The following TLN2 variants were observed in gnomAD, a reference collection of about 807,000 sequenced individuals.
TLN2 encodes talin 2, also known as talin-2.
In TLN2, 118 loss-of-function variants were observed where a neutral mutation model predicts 294.7. The observed-to-expected ratio is 0.40, with a 90% CI of 0.34 to 0.47. The LOEUF is 0.47. TLN2 is among the 20% of genes least tolerant of loss of function. TLN2 has a pLI of 0.84. For synonymous variants in TLN2, 1,431 were observed against 1,304.5 expected (o/e 1.10, Z -2.09); for missense variants, 3,083 against 3,282.2 (o/e 0.94, Z 1.48).
intron 54 of TLN2, among the ~76,000 whole-genome samples, chr15:62,825,790 TATA>T (rs1237129986): frequency 1.2e-4 from 1 of 8,464 alleles, no homozygotes; most frequent in African/African-American, 2.2e-4. Flanking sequence ...TATTATATAT[TATA>T]ATATATATTA....
At chr15:62,444,219 T>A (rs1466367594) in intron 1 of TLN2, among the ~76,000 whole-genome samples, 1 of 152,216 alleles carries the variant, frequency 6.6e-6, no homozygotes, top group Non-Finnish European at 1.5e-5. Context: ...TTCTGGATGC[T>A]GCTTAGAGGG....
chr15:62,817,267 A>G (rs1485382232), intron 52 of TLN2, among the ~76,000 whole-genome samples: 2 of 152,336 alleles, frequency 1.3e-5, no homozygotes, highest in East Asian at 1.9e-4. Flanking sequence ...GGAAGCCATC[A>G]TAGTAGGACT....
chr15:62,479,671 C>A (rs369069346), intron 1 of TLN2, among the ~76,000 whole-genome samples: 3 of 152,030 alleles, frequency 2.0e-5, no homozygotes, highest in African/African-American at 4.8e-5. Context: ...TTTTTAGTAG[C>A]GACGGGGTTT....
In TLN2 at chr15:62,819,424, C is replaced by T. The variant is rs574130412; in HGVS notation, c.6772-92C>T. 269 of 1,068,464 alleles carry T rather than the reference C, an allele frequency of 2.5e-4. No individual in the cohort carries two copies. The East Asian group carries it at 5.5e-3, about 22-fold the overall frequency. 66.2% of individuals were successfully genotyped at this position (1,068,464 alleles called of 1,614,324 possible). A position where few individuals can be genotyped will look rare whatever the true frequency, so the allele number is the denominator to read the frequency against. On this transcript the variant is annotated intron_variant, in intron 52 of 58. Transcript: ENST00000636159. ...AGAGATGCAACTTAAAACCAGGCTG[C>T]CTGACTCCACATCCAGCAAGAGGAG... is the stretch of plus-strand genomic sequence containing the variant.
chr15:62,461,790 G>A (rs1301178395), intron 1 of TLN2, among the ~76,000 whole-genome samples: 1 of 152,202 alleles, frequency 6.6e-6, no homozygotes, highest in Non-Finnish European at 1.5e-5. Flanking sequence ...GCATGCACAG[G>A]AGCACTCACA....
At chr15:62,704,746 A>G (rs1337326810) in intron 19 of TLN2, among the ~76,000 whole-genome samples, 1 of 152,218 alleles carries the variant, frequency 6.6e-6, no homozygotes, top group Non-Finnish European at 1.5e-5. Flanking sequence ...GCACATCAAT[A>G]TATTCTGCTA....
chr15:62,825,789 TTATA>T lies in TLN2; in HGVS notation c.7002+5180_7002+5183del, dbSNP rs1465080077. ...TATATATTATATAATATATTATATA[TTATA>T]ATATATATTATATATTATATTATAA... is the stretch of plus-strand genomic sequence containing the variant. On this transcript the variant is annotated intron_variant, in intron 54 of 58. Coordinates refer to ENST00000636159, the MANE Select transcript of TLN2 (RefSeq NM_015059.3). Among the ~76,000 whole-genome samples the T allele has an allele frequency of 2.2e-3, 188 of 83,598 alleles. 16 individuals carry two copies. The highest frequency in any genetic ancestry group is 0.013 in the African/African-American group (181 of 13,868). 54.8% of individuals were successfully genotyped at this position (83,598 alleles called of 152,430 possible).
Position 62,532,626 on chromosome 15 carries a change from G to A in TLN2, c.-237-57061G>A, listed in dbSNP as rs1054561475. 3.3e-5 allele frequency among the ~76,000 whole-genome samples: 5 copies of A among 152,236 alleles called. No homozygotes were observed. The South Asian group carries it at 1.0e-3, about 32-fold the overall frequency. On this transcript the variant is annotated intron_variant, in intron 1 of 58. Transcript: ENST00000636159. ...CAGACCTTAACCTTTTTTTAGAAAA[G>A]CATTGCTCTTGCTTCACGTGACAAA...
intron 2 of TLN2, among the ~76,000 whole-genome samples, chr15:62,606,263 T>TTTTC (rs71287049): frequency 6.6e-6 from 1 of 150,528 alleles, no homozygotes; most frequent in African/African-American, 2.4e-5. Flanking sequence ...TTTTTTTTTT[T>TTTTC]GTATTTTTAG....
intron 1 of TLN2, among the ~76,000 whole-genome samples, chr15:62,519,161 A>G (rs1203209836): frequency 6.6e-6 from 1 of 152,194 alleles, no homozygotes; most frequent in Non-Finnish European, 1.5e-5. Flanking sequence ...AGTCCACAGT[A>G]TTGACCACAG....
At chr15:62,673,759 T>C in intron 9 of TLN2, 68 bp from the exon 10 acceptor site, 1 of 1,257,332 alleles carries the variant, frequency 8.0e-7, no homozygotes, top group Non-Finnish European at 1.1e-6. Context: ...TTTTATTAAA[T>C]GTCTTTGCTT....
intron 39 of TLN2, 62 bp downstream of exon 39, chr15:62,762,515 G>A (rs2062737921): frequency 1.3e-6 from 2 of 1,558,892 alleles, no homozygotes; most frequent in African/African-American, 1.4e-5. Flanking sequence ...AGGAGGATAA[G>A]CCCACCAGGC....
chr15:62,645,264 A>G (rs774732144), intron 3 of TLN2: 7 of 152,624 alleles, frequency 4.6e-5, no homozygotes, highest in Non-Finnish European at 8.8e-5. Flanking sequence ...GAATTGCCAG[A>G]TATTTTGAAC....
At chr15:62,482,612 A>AG (rs2038166098) in intron 1 of TLN2, among the ~76,000 whole-genome samples, 1 of 151,728 alleles carries the variant, frequency 6.6e-6, no homozygotes, top group African/African-American at 2.4e-5. Context: ...CAAAAAAAAA[A>AG]AAAAAAAAAA....
chr15:62,700,287 A>G (rs1484471287), intron 16 of TLN2, among the ~76,000 whole-genome samples: 1 of 152,190 alleles, frequency 6.6e-6, no homozygotes, highest in Non-Finnish European at 1.5e-5. Flanking sequence ...ATAGATGAGT[A>G]TTTTTGGGAT....
At chr15:62,762,135 C>A in intron 38 of TLN2, 137 bp from the exon 39 acceptor site, 1 of 1,069,992 alleles carries the variant, frequency 9.3e-7, no homozygotes, top group Non-Finnish European at 1.4e-6. Flanking sequence ...GTAATCCAGT[C>A]TTCATGGTTC....
chr15:62,738,445 A>C, intron 30 of TLN2, 112 bp downstream of exon 30: 1 of 1,308,944 alleles, frequency 7.6e-7, no homozygotes, highest in African/African-American at 1.5e-5. Context: ...TTCCTTTAGG[A>C]GTCCTGTTTT....
At chr15:62,684,349 G>T (rs1260800490) in intron 11 of TLN2, among the ~76,000 whole-genome samples, 1 of 152,192 alleles carries the variant, frequency 6.6e-6, no homozygotes, top group Non-Finnish European at 1.5e-5. Context: ...GACTAAATTA[G>T]CTGCCTAGAG....
In TLN2 at chr15:62,781,826, TTTTG is replaced by T. The variant is rs1009510080; in HGVS notation, c.5616+601_5616+604del. Among the ~76,000 whole-genome samples, 25 of 152,268 alleles carry T rather than the reference TTTTG, an allele frequency of 1.6e-4. 1 individual carries two copies. Among genetic ancestry groups the T allele is most frequent in the South Asian group, 1.2e-3 (6 of 4,830 alleles). The stretch of plus-strand genomic sequence containing the variant: ...TTTTGGTTTGGTTTGGTTTTTGTTG[TTTTG>T]TTTGTTTGTTTGTTTTTCTAAAATG... On this transcript the variant is annotated intron_variant, in intron 44 of 58. Coordinates refer to ENST00000636159, the MANE Select transcript of TLN2 (RefSeq NM_015059.3).
Sources: allele counts gnomAD v4.1 joint callset (sites outside exome capture counted in the v4.1 genomes callset), GRCh38; gene constraint gnomAD v4.1.1; transcripts MANE v1.5; gene names NCBI Gene and HGNC (gene_info 2026-07-23, HGNC 2026-07-21).